The following ST18 variants were observed in gnomAD, a reference collection of about 807,000 sequenced individuals.
The protein encoded by ST18 is suppression of tumorigenicity 18 protein.
In ST18, 50 loss-of-function variants were observed where a neutral mutation model predicts 110.0. That is an observed-to-expected ratio of 0.45 (90% confidence interval 0.36 to 0.58). ST18 has a LOEUF of 0.58. ST18 is among the 20% of genes least tolerant of loss of function. The pLI is 0.00. For missense variants in ST18, 1,306 were observed against 1,280.1 expected (o/e 1.02, Z -0.31); for synonymous variants, 461 against 452.4 (o/e 1.02, Z -0.24).
At chr8:52,292,066 A>G (rs1181664538) in intron 2 of ST18, among the ~76,000 whole-genome samples, 1 of 152,194 alleles carries the variant, frequency 6.6e-6, no homozygotes, top group Non-Finnish European at 1.5e-5. Context: ...ACACCCCACC[A>G]TAAACAACTT....
intron 2 of ST18, among the ~76,000 whole-genome samples, chr8:52,380,421 A>T (rs1834064887): frequency 6.6e-6 from 1 of 152,124 alleles, no homozygotes; most frequent in Non-Finnish European, 1.5e-5. Context: ...ATCAGTAGTT[A>T]AGTTTGGGGG....
chr8:52,408,301 G>C (rs866865736), intron 2 of ST18, among the ~76,000 whole-genome samples: 1 of 152,210 alleles, frequency 6.6e-6, no homozygotes, highest in Non-Finnish European at 1.5e-5. Context: ...TAATTTGACA[G>C]CAATTTATCT....
intron 8 of ST18, among the ~76,000 whole-genome samples, chr8:52,190,155 C>T (rs1028030585): frequency 2.6e-5 from 4 of 151,996 alleles, no homozygotes; most frequent in South Asian, 2.1e-4. Context: ...GTTTCATGCA[C>T]AAAATTTTAA....
At chr8:52,408,462 T>C (rs1845295197) in intron 2 of ST18, among the ~76,000 whole-genome samples, 2 of 152,220 alleles carry the variant, frequency 1.3e-5, no homozygotes, top group Admixed American at 1.3e-4. Flanking sequence ...TAACCCACAG[T>C]CACGAGACAG....
intron 22 of ST18, among the ~76,000 whole-genome samples, chr8:52,130,479 G>A (rs953271870): frequency 1.3e-5 from 2 of 152,152 alleles, no homozygotes; most frequent in Non-Finnish European, 2.9e-5. Flanking sequence ...CCACTCCACT[G>A]TTAGTGGGCA....
chr8:52,218,355 G>T (rs190339764), intron 5 of ST18, among the ~76,000 whole-genome samples: 80 of 151,268 alleles, frequency 5.3e-4, no homozygotes, highest in South Asian at 2.9e-3. Flanking sequence ...TAGTTAGATA[G>T]ATATATCATG....
intron 2 of ST18, among the ~76,000 whole-genome samples, chr8:52,380,107 C>T (rs1833955872): frequency 1.3e-5 from 2 of 151,944 alleles, no homozygotes; most frequent in African/African-American, 4.8e-5. Context: ...CCTGGAAGAG[C>T]TCCCAGGAAG....
intron 2 of ST18, among the ~76,000 whole-genome samples, chr8:52,356,712 A>G (rs1328670197): frequency 6.6e-6 from 1 of 152,192 alleles, no homozygotes; most frequent in East Asian, 1.9e-4. Flanking sequence ...AGTTGAAGGA[A>G]ACCATAGAAT....
chr8:52,218,304 C>T (rs1180901340), intron 5 of ST18, among the ~76,000 whole-genome samples: 3 of 151,686 alleles, frequency 2.0e-5, no homozygotes, highest in South Asian at 2.1e-4. Flanking sequence ...GTTTTGAGGG[C>T]GCTTTCTGAA....
chr8:52,162,879 G>T (rs1343991580), intron 13 of ST18, among the ~76,000 whole-genome samples: 1 of 151,720 alleles, frequency 6.6e-6, no homozygotes, highest in Non-Finnish European at 1.5e-5. Flanking sequence ...TTTCCAATGA[G>T]TTTTTTTTGG....
intron 2 of ST18, among the ~76,000 whole-genome samples, chr8:52,372,021 G>C (rs1217312423): frequency 6.6e-6 from 1 of 152,156 alleles, no homozygotes; most frequent in Admixed American, 6.5e-5. Flanking sequence ...GCCTCAGGCA[G>C]GTCCTTCAGG....
At chr8:52,204,968 C>T (rs1045253155) in intron 8 of ST18, among the ~76,000 whole-genome samples, 6 of 152,028 alleles carry the variant, frequency 3.9e-5, no homozygotes, top group African/African-American at 1.4e-4. Flanking sequence ...TCTCTTAACT[C>T]TACGGACATT....
intron 8 of ST18, among the ~76,000 whole-genome samples, chr8:52,183,436 G>T (rs1358791528): frequency 2.0e-5 from 3 of 152,240 alleles, no homozygotes; most frequent in Admixed American, 6.5e-5. Context: ...AACTGTGTGA[G>T]TGTAGGATGA....
At chr8:52,155,680 T>A (rs1450535338) in intron 15 of ST18, among the ~76,000 whole-genome samples, 2 of 152,168 alleles carry the variant, frequency 1.3e-5, no homozygotes, top group Non-Finnish European at 2.9e-5. Flanking sequence ...TTCGTTATAT[T>A]TTTAGAGTGT....
At chr8:52,146,862 T>G (rs2057448123) in intron 16 of ST18, among the ~76,000 whole-genome samples, 1 of 152,208 alleles carries the variant, frequency 6.6e-6, no homozygotes, top group African/African-American at 2.4e-5. Flanking sequence ...GAAGTACTTT[T>G]ATGTGTGTGT....
intron 8 of ST18, among the ~76,000 whole-genome samples, chr8:52,182,556 T>C (rs889368096): frequency 5.3e-5 from 8 of 152,212 alleles, no homozygotes; most frequent in African/African-American, 1.9e-4. Context: ...GAAAGACAAA[T>C]GCTGTGTGAC....
intron 19 of ST18, among the ~76,000 whole-genome samples, chr8:52,136,132 T>C (rs1324104954): frequency 6.6e-6 from 1 of 152,180 alleles, no homozygotes; most frequent in African/African-American, 2.4e-5. Flanking sequence ...GACTTTGAGA[T>C]CTTGTAGGTG....
chr8:52,272,029 T>C (rs996373733), intron 2 of ST18, among the ~76,000 whole-genome samples: 1 of 152,190 alleles, frequency 6.6e-6, no homozygotes, highest in African/African-American at 2.4e-5. Context: ...GAGACTCTTA[T>C]CTTACTCCAT....
intron 2 of ST18, among the ~76,000 whole-genome samples, chr8:52,401,669 G>C (rs896182238): frequency 6.6e-6 from 1 of 151,852 alleles, no homozygotes; most frequent in Non-Finnish European, 1.5e-5. Context: ...TTTTATGATA[G>C]CTATCTCTTT....
Sources: gnomAD v4.1 joint callset for allele counts (sites outside exome capture counted in the v4.1 genomes callset) on GRCh38, gnomAD v4.1.1 for gene constraint, MANE v1.5 for transcripts, NCBI Gene and HGNC (gene_info 2026-07-23, HGNC 2026-07-21) for gene names.